The following GRP variants were observed in gnomAD, a reference collection of about 807,000 sequenced individuals.
The protein encoded by GRP is gastrin-releasing peptide.
In GRP, 11 loss-of-function variants were observed where a neutral mutation model predicts 12.7. The observed-to-expected ratio is 0.87, with a 90% CI of 0.55 to 1.44. GRP has a LOEUF of 1.44. Ranked by LOEUF, GRP falls within the 40% of genes most tolerant of loss-of-function variation. The pLI, the probability that GRP is intolerant of heterozygous loss-of-function variation, is 0.00. For synonymous variants in GRP, 84 were observed against 77.7 expected (o/e 1.08, Z -0.43); for missense variants, 212 against 185.4 (o/e 1.14, Z -0.83).
chr18:59,227,951 CAAGTG>C (rs2069970532), intron 2 of GRP, among the ~76,000 whole-genome samples: 1 of 151,998 alleles, frequency 6.6e-6, no homozygotes, highest in South Asian at 2.1e-4. Context: ...GTCCTTATCC[CAAGTG>C]AACTGAAAAA....
Position 59,221,495 on chromosome 18 carries a change from A to G in GRP, c.139+1091A>G, listed in dbSNP as rs568091327. ...CTCCCCCACCTACCCGCCCCACAAA[A>G]GCCAACTACAACAACCCCAACCAGC... On this transcript the variant is annotated intron_variant, in intron 1 of 2. Coordinates refer to ENST00000256857, the MANE Select transcript of GRP (RefSeq NM_002091.5). 3.3e-5 allele frequency among the ~76,000 whole-genome samples: 5 copies of G among 152,124 alleles called. No individual in the cohort carries two copies. The East Asian group carries it at 5.8e-4, about 18-fold the overall frequency.
intron 2 of GRP, among the ~76,000 whole-genome samples, chr18:59,227,404 T>G (rs895440594): frequency 6.6e-6 from 1 of 152,178 alleles, no homozygotes; most frequent in African/African-American, 2.4e-5. Flanking sequence ...ATCAGCCCCC[T>G]TCTTTACTGA....
intron 1 of GRP, among the ~76,000 whole-genome samples, chr18:59,221,288 G>A (rs989513539): frequency 3.3e-5 from 5 of 152,224 alleles, no homozygotes; most frequent in African/African-American, 1.2e-4. Flanking sequence ...GAGGACGGCC[G>A]CGCTGCGGGT....
chr18:59,222,099 G>A (rs1258297451), intron 1 of GRP, among the ~76,000 whole-genome samples: 1 of 152,154 alleles, frequency 6.6e-6, no homozygotes, highest in Non-Finnish European at 1.5e-5. Flanking sequence ...CAATGGGGCT[G>A]GAAAGATGGA....
intron 2 of GRP, among the ~76,000 whole-genome samples, chr18:59,228,643 G>T (rs2069981241): frequency 6.6e-6 from 1 of 152,214 alleles, no homozygotes; most frequent in African/African-American, 2.4e-5. Context: ...ATTATGCCCA[G>T]CAATGTTCAA....
intron 2 of GRP, 130 bp downstream of exon 2, chr18:59,225,864 C>CCA: frequency 2.8e-6 from 2 of 725,430 alleles, no homozygotes; most frequent in Non-Finnish European, 2.3e-6. Flanking sequence ...TAGGCTAACA[C>CCA]ATGCTAAGCA....
At chr18:59,220,860 T>C (rs2069820727) in intron 1 of GRP, among the ~76,000 whole-genome samples, 1 of 152,188 alleles carries the variant, frequency 6.6e-6, no homozygotes, top group Admixed American at 6.5e-5. Context: ...GCGACTGGCA[T>C]GGGCTGAAAT....
chr18:59,225,527 TC>T lies in GRP; in HGVS notation c.176del (p.Ser59PhefsTer9), dbSNP rs1199364396. 6.2e-7 allele frequency: 1 copy of T among 1,613,956 alleles called. No individual in the cohort carries two copies. The highest frequency in any genetic ancestry group is 1.1e-5 in the South Asian group (1 of 91,064). The part of the protein sequence containing the change: ...LMGKKSTGES[S>X]SVSERGSLKQ... ...GGGGAAAAAGAGCACAGGGGAGTCT[TC>T]TTCTGTTTCTGAGAGAGGGAGCCTG... is the stretch of plus-strand genomic sequence containing the variant. On this transcript the variant is annotated frameshift_variant, in exon 2 of 3. Coordinates refer to ENST00000256857, the MANE Select transcript of GRP (RefSeq NM_002091.5). LOFTEE classifies it high-confidence loss of function.
Position 59,225,117 on chromosome 18 carries a change from T to C in GRP, c.140-375T>C, listed in dbSNP as rs114998306. 1.8e-3 allele frequency among the ~76,000 whole-genome samples: 274 copies of C among 152,288 alleles called. 1 individual carries two copies. The highest frequency in any genetic ancestry group is 6.3e-3 in the African/African-American group (260 of 41,550). On this transcript the variant is annotated intron_variant, in intron 1 of 2. Coordinates refer to ENST00000256857, the MANE Select transcript of GRP (RefSeq NM_002091.5). ...TAGAATTTGGTGCACACAGAATTGA[T>C]GATAGAATTTTAGATATGGAAGCCT...
At position 59,222,808 on chromosome 18, in the gene GRP, T is replaced by C. The variant is rs554256080; in HGVS notation, c.139+2404T>C. 7.5e-4 allele frequency among the ~76,000 whole-genome samples: 114 copies of C among 152,360 alleles called. 1 individual carries two copies. The highest frequency in any genetic ancestry group is 5.7e-3 in the Admixed American group (87 of 15,306). ...GAAAAAAGGTTAACAGCTTGAAAAC[T>C]TAACAAATTTTTATCTGGCTTGATG... On this transcript the variant is annotated intron_variant, in intron 1 of 2. Coordinates refer to ENST00000256857, the MANE Select transcript of GRP (RefSeq NM_002091.5).
intron 1 of GRP, among the ~76,000 whole-genome samples, chr18:59,224,941 T>C (rs900903711): frequency 6.6e-6 from 1 of 152,198 alleles, no homozygotes; most frequent in Non-Finnish European, 1.5e-5. Context: ...AAAGTTTAAA[T>C]GAAAAATTCC....
chr18:59,225,669 A>T lies in GRP; in HGVS notation c.317A>T (p.Asn106Ile), dbSNP rs753221724. 23 of 1,613,970 alleles carry T rather than the reference A, an allele frequency of 1.4e-5. No individual in the cohort carries two copies. Among genetic ancestry groups the T allele is most frequent in the Non-Finnish European group, 1.8e-5 (21 of 1,179,956 alleles). The part of the protein sequence containing the change: ...HQPPQPKALG[N>I]QQPSWDSEDS... Reference sequence around the variant, plus strand: ...CCACCTCAACCCAAGGCCCTGGGCAATCAGCAGCCTTCGTGGGATTCAGAG... The same window carrying T: ...CCACCTCAACCCAAGGCCCTGGGCATTCAGCAGCCTTCGTGGGATTCAGAG... The change falls in exon 2 of 3, where the codon AAT (asparagine) becomes ATT (isoleucine). Residue 106 changes from asparagine (N) to isoleucine (I), a missense_variant. Physicochemically the swap from Asn to Ile is moderately radical, Grantham distance 149. Transcript: ENST00000256857.
At chr18:59,228,545 A>T (rs913597350) in intron 2 of GRP, among the ~76,000 whole-genome samples, 4 of 152,208 alleles carry the variant, frequency 2.6e-5, no homozygotes, top group Non-Finnish European at 4.4e-5. Context: ...GATGACAAAG[A>T]TATTTACTTA....
At position 59,220,170 on chromosome 18, in the gene GRP, AGCGGCTGCGGCG is replaced by A; in HGVS notation, c.-91_-80del. Reference sequence around the variant, plus strand: ...TAGTGGAGGCCGCAGCAGTAGCACCAGCGGCTGCGGCGGCGGAGCTCCTCCGAGGTCCGGGTC... The same window carrying A: ...TAGTGGAGGCCGCAGCAGTAGCACCAGCGGAGCTCCTCCGAGGTCCGGGTC... On this transcript the variant is annotated 5_prime_UTR_variant, in exon 1 of 3. Coordinates refer to ENST00000256857, the MANE Select transcript of GRP (RefSeq NM_002091.5). 1 of 739,426 alleles carries A rather than the reference AGCGGCTGCGGCG, an allele frequency of 1.4e-6. No homozygotes were observed. The highest frequency in any genetic ancestry group is 2.2e-5 in the South Asian group (1 of 44,466). 45.8% of individuals were successfully genotyped at this position (739,426 alleles called of 1,614,324 possible). A position where few individuals can be genotyped will look rare whatever the true frequency, so the allele number is the denominator to read the frequency against.
chr18:59,220,104 CCCA>C, upstream of GRP: 1 of 356,018 alleles, frequency 2.8e-6, no homozygotes, highest in Non-Finnish European at 5.1e-6. Flanking sequence ...AGAAGAGCCC[CCCA>C]GCCCCCCCGC....
At chr18:59,220,468 C>G (rs909055702) in intron 1 of GRP, 64 bp downstream of exon 1, 1 of 1,289,636 alleles carries the variant, frequency 7.8e-7, no homozygotes, top group Admixed American at 3.9e-5. Flanking sequence ...CCGGAGGGGA[C>G]CTGTCTCCCC....
chr18:59,220,302 C>G lies in GRP; in HGVS notation c.37C>G (p.Leu13Val), dbSNP rs1192504248. ...GRELPLVLLA[L>V]VLCLAPRGRA... ...TGAGCTCCCGCTGGTCCTGCTGGCG[C>G]TGGTCCTCTGCCTGGCGCCCCGGGG... The change falls in exon 1 of 3, where the codon CTG becomes GTG. Residue 13 changes from leucine to valine, a missense_variant. Coordinates refer to ENST00000256857, the MANE Select transcript of GRP (RefSeq NM_002091.5). 1 of 1,506,430 alleles carries G rather than the reference C, an allele frequency of 6.6e-7. No individual in the cohort carries two copies. Among genetic ancestry groups the G allele is most frequent in the Admixed American group, 2.1e-5 (1 of 48,408 alleles). The allele number at this position is 1,506,430 out of a possible 1,614,324, so 93.3% of individuals were successfully genotyped here.
At chr18:59,221,574 T>A (rs1317541184) in intron 1 of GRP, among the ~76,000 whole-genome samples, 1 of 150,992 alleles carries the variant, frequency 6.6e-6, no homozygotes, top group Non-Finnish European at 1.5e-5. Flanking sequence ...TATGTGTGTG[T>A]GTCTCTGTGT....
chr18:59,224,299 T>A (rs1194042372), intron 1 of GRP, among the ~76,000 whole-genome samples: 1 of 152,142 alleles, frequency 6.6e-6, no homozygotes, highest in Non-Finnish European at 1.5e-5. Flanking sequence ...CATTTAAACA[T>A]CCCATAAACT....
Sources: gnomAD v4.1 joint callset for allele counts (sites outside exome capture counted in the v4.1 genomes callset) on GRCh38, gnomAD v4.1.1 for gene constraint, MANE v1.5 for transcripts, NCBI Gene and HGNC (gene_info 2026-07-23, HGNC 2026-07-21) for gene names.